PCDH9: variants seen among roughly 807,000 people sequenced by gnomAD.
The protein encoded by PCDH9 is protocadherin-9.
PCDH9 carries 24 observed loss-of-function variants against 70.6 expected under a neutral mutation model. The observed-to-expected ratio is 0.34, with a 90% CI of 0.25 to 0.48. The LOEUF (loss-of-function observed/expected upper bound fraction) is 0.48. PCDH9 is among the 20% of genes least tolerant of loss of function. The pLI is 0.99. For synonymous variants in PCDH9, 562 were observed against 558.5 expected (o/e 1.01, Z -0.09); for missense variants, 1,281 against 1,503.6 (o/e 0.85, Z 2.45).
chr13:66,412,371 A>T (rs886219853), intron 4 of PCDH9, among the ~76,000 whole-genome samples: 1 of 152,144 alleles, frequency 6.6e-6, no homozygotes, highest in African/African-American at 2.4e-5. Flanking sequence ...CAATATTTCA[A>T]AACTCAGAGT....
chr13:67,146,952 T>G (rs1273126117), intron 2 of PCDH9, among the ~76,000 whole-genome samples: 1 of 152,192 alleles, frequency 6.6e-6, no homozygotes, highest in African/African-American at 2.4e-5. Flanking sequence ...GATTCCGGCT[T>G]CCTTTTTTTA....
At chr13:66,339,804 G>A (rs1332380888) in intron 4 of PCDH9, among the ~76,000 whole-genome samples, 3 of 152,108 alleles carry the variant, frequency 2.0e-5, no homozygotes, top group Admixed American at 2.0e-4. Flanking sequence ...AAAGGGAATA[G>A]TATAGCAACC....
At chr13:67,213,224 A>AAAAAAAAAAAAAAAG (rs2089510905) in intron 2 of PCDH9, 1 of 111,434 alleles carries the variant, frequency 9.0e-6, no homozygotes, top group African/African-American at 3.0e-5. Flanking sequence ...AAAAAAAAAA[A>AAAAAAAAAAAAAAAG]AAAAAAAAAA....
At chr13:66,725,195 C>A (rs2078990161) in intron 3 of PCDH9, among the ~76,000 whole-genome samples, 1 of 152,200 alleles carries the variant, frequency 6.6e-6, no homozygotes, top group Admixed American at 6.5e-5. Context: ...TCTAATTCAA[C>A]AGCAAATTCT....
At chr13:67,120,070 T>A (rs1412052760) in intron 2 of PCDH9, among the ~76,000 whole-genome samples, 1 of 151,904 alleles carries the variant, frequency 6.6e-6, no homozygotes, top group African/African-American at 2.4e-5. Context: ...ACAGAAAATA[T>A]ATTGAAATTT....
intron 4 of PCDH9, among the ~76,000 whole-genome samples, chr13:66,382,208 C>G (rs1228876387): frequency 6.6e-6 from 1 of 152,158 alleles, no homozygotes; most frequent in Admixed American, 6.5e-5. Flanking sequence ...CTAAATTCAT[C>G]ATGAAAACAA....
At chr13:66,371,325 A>G (rs1956647938) in intron 4 of PCDH9, among the ~76,000 whole-genome samples, 2 of 152,058 alleles carry the variant, frequency 1.3e-5, no homozygotes, top group Non-Finnish European at 2.9e-5. Flanking sequence ...TTAATACATG[A>G]TATTGAGATT....
intron 2 of PCDH9, among the ~76,000 whole-genome samples, chr13:67,031,228 T>C (rs1338758993): frequency 6.6e-6 from 1 of 152,206 alleles, no homozygotes; most frequent in Non-Finnish European, 1.5e-5. Flanking sequence ...AAAACATTCA[T>C]AATTTTTGTA....
At chr13:66,509,175 CCTTGTCTTCT>C (rs1959340285) in intron 4 of PCDH9, among the ~76,000 whole-genome samples, 1 of 152,100 alleles carries the variant, frequency 6.6e-6, no homozygotes, top group Admixed American at 6.6e-5. Context: ...TGATTCTAGG[CCTTGTCTTCT>C]CTTTTATTAA....
At chr13:66,492,399 T>TACAC (rs1187906926) in intron 4 of PCDH9, among the ~76,000 whole-genome samples, 1 of 149,460 alleles carries the variant, frequency 6.7e-6, no homozygotes, top group South Asian at 2.1e-4. Flanking sequence ...ATTAAATAGG[T>TACAC]ACACACACAC....
chr13:66,336,660 G>C (rs1956043010), intron 4 of PCDH9, among the ~76,000 whole-genome samples: 1 of 151,976 alleles, frequency 6.6e-6, no homozygotes, highest in African/African-American at 2.4e-5. Flanking sequence ...GATATAATTA[G>C]GTTGAAGTTA....
chr13:66,981,437 CAAAAAAAAA>C (rs372208244), intron 2 of PCDH9, among the ~76,000 whole-genome samples: 9 of 78,816 alleles, frequency 1.1e-4, no homozygotes, highest in African/African-American at 4.4e-4. Context: ...GACTCCCTCT[CAAAAAAAAA>C]AAAAAAGAAA....
At chr13:66,690,935 C>T (rs942486424) in intron 3 of PCDH9, among the ~76,000 whole-genome samples, 6 of 152,192 alleles carry the variant, frequency 3.9e-5, no homozygotes, top group African/African-American at 1.4e-4. Context: ...AAGCCTGAGA[C>T]ATATTGCACT....
At chr13:66,658,892 TA>T (rs2077968588) in intron 3 of PCDH9, among the ~76,000 whole-genome samples, 2 of 152,310 alleles carry the variant, frequency 1.3e-5, no homozygotes, top group Admixed American at 1.3e-4. Context: ...TTTTATATCA[TA>T]TTCATCAAAT....
intron 2 of PCDH9, among the ~76,000 whole-genome samples, chr13:66,918,894 G>C (rs147555242): frequency 2.0e-5 from 3 of 151,134 alleles, no homozygotes; most frequent in Admixed American, 6.6e-5. Context: ...ACTTTGGAAG[G>C]AGTATTCTGC....
intron 4 of PCDH9, among the ~76,000 whole-genome samples, chr13:66,619,098 G>A (rs1593787679): frequency 6.6e-6 from 1 of 152,072 alleles, no homozygotes; most frequent in African/African-American, 2.4e-5. Context: ...AGCAGACAAA[G>A]CTATGTCCTT....
intron 3 of PCDH9, among the ~76,000 whole-genome samples, chr13:66,659,307 T>C (rs939778279): frequency 2.0e-5 from 3 of 152,138 alleles, no homozygotes; most frequent in Non-Finnish European, 2.9e-5. Context: ...GACTAAATCA[T>C]AGAATTTGTC....
chr13:66,750,339 CAAGTTTTCTCATTCTCCAAGAATGAG>C lies in PCDH9; in HGVS notation c.3139-118954_3139-118929del, dbSNP rs752704536. On this transcript the variant is annotated intron_variant, in intron 3 of 4. Coordinates refer to ENST00000377865, the MANE Select transcript of PCDH9 (RefSeq NM_203487.3). The stretch of plus-strand genomic sequence containing the variant: ...ATATAGAAAAATAATTTTTCAAAAA[CAAGTTTTCTCATTCTCCAAGAATGAG>C]AAGTTTTCTCATTCTCCAAGTAAGC... Among the ~76,000 whole-genome samples, 170 of 152,046 alleles carry C rather than the reference CAAGTTTTCTCATTCTCCAAGAATGAG, an allele frequency of 1.1e-3. 1 individual carries two copies. The highest frequency in any genetic ancestry group is 6.8e-3 in the Middle Eastern group (2 of 294).
intron 3 of PCDH9, among the ~76,000 whole-genome samples, chr13:66,815,798 A>T (rs577627834): frequency 6.6e-6 from 1 of 152,270 alleles, no homozygotes; most frequent in African/African-American, 2.4e-5. Flanking sequence ...ATCGAAAAAA[A>T]CTACCTATCA....
Sources: gnomAD v4.1 joint callset for allele counts (sites outside exome capture counted in the v4.1 genomes callset) on GRCh38, gnomAD v4.1.1 for gene constraint, MANE v1.5 for transcripts, NCBI Gene and HGNC (gene_info 2026-07-23, HGNC 2026-07-21) for gene names.